Variants in DSCAML1 observed in about 807,000 individuals in gnomAD.
DSCAML1 encodes cell adhesion molecule DSCAML1.
Under a neutral mutation model 200.5 loss-of-function variants are expected in DSCAML1, and 38 were observed. That is an observed-to-expected ratio of 0.19 (90% confidence interval 0.15 to 0.25). The LOEUF is 0.25. DSCAML1 is among the 10% of genes least tolerant of loss of function. DSCAML1 has a pLI of 1.00. For missense variants in DSCAML1, 2,223 were observed against 2,858.8 expected (o/e 0.78, Z 5.07); for synonymous variants, 1,215 against 1,165.0 (o/e 1.04, Z -0.87).
intron 3 of DSCAML1, among the ~76,000 whole-genome samples, chr11:117,765,153 G>C (rs2054872482): frequency 6.6e-6 from 1 of 152,216 alleles, no homozygotes; most frequent in African/African-American, 2.4e-5. Context: ...CAACCTTAGA[G>C]GCCTTTGTCC....
chr11:117,749,420 G>A (rs2054568535), intron 3 of DSCAML1, among the ~76,000 whole-genome samples: 1 of 152,216 alleles, frequency 6.6e-6, no homozygotes. Context: ...CAGAAGGCAG[G>A]GCCAGGGCTA....
At chr11:117,786,009 C>A (rs962337885) in intron 1 of DSCAML1, among the ~76,000 whole-genome samples, 4 of 152,152 alleles carry the variant, frequency 2.6e-5, no homozygotes, top group Non-Finnish European at 4.4e-5. Context: ...TCCCCTCATG[C>A]CTTCTCTCCA....
intron 3 of DSCAML1, among the ~76,000 whole-genome samples, chr11:117,609,873 G>A (rs2051651220): frequency 6.6e-6 from 1 of 152,160 alleles, no homozygotes. Context: ...CAGTCTGGAA[G>A]ACTGGCTTTG....
intron 1 of DSCAML1, among the ~76,000 whole-genome samples, chr11:117,812,418 C>T (rs1303952577): frequency 6.6e-6 from 1 of 152,156 alleles, no homozygotes; most frequent in Non-Finnish European, 1.5e-5. Flanking sequence ...TATGCCTTAT[C>T]AACCAAATTG....
At position 117,516,412 on chromosome 11, in the gene DSCAML1, C is replaced by T. The variant is rs1262544955; in HGVS notation, c.1783+55G>A. ...TCTGAGTCCCAGCTGGGGAAAGGCC[C>T]ACGCATCCTGGGTGGTCAGGCGGGC... On this transcript the variant is annotated intron_variant, in intron 8 of 32. Coordinates refer to ENST00000651296, the MANE Select transcript of DSCAML1 (RefSeq NM_020693.4). This position sits in a 1 kb window ranked among gnomAD's most constrained non-coding sequence, Gnocchi z 5.7. 1 of 1,572,632 alleles carries T rather than the reference C, an allele frequency of 6.4e-7. No individual in the cohort carries two copies. The highest frequency in any genetic ancestry group is 8.6e-7 in the Non-Finnish European group (1 of 1,157,776).
intron 3 of DSCAML1, among the ~76,000 whole-genome samples, chr11:117,666,423 C>G (rs957274221): frequency 6.6e-6 from 1 of 152,166 alleles, no homozygotes; most frequent in African/African-American, 2.4e-5. Flanking sequence ...TAACAGAGTA[C>G]CCCTAGGACT....
At chr11:117,727,051 T>C (rs1398002859) in intron 3 of DSCAML1, among the ~76,000 whole-genome samples, 2 of 152,166 alleles carry the variant, frequency 1.3e-5, no homozygotes, top group Non-Finnish European at 2.9e-5. Flanking sequence ...TATCCACACC[T>C]TGTACATTCA....
At chr11:117,628,165 C>G (rs753367258) in intron 3 of DSCAML1, among the ~76,000 whole-genome samples, 1 of 152,184 alleles carries the variant, frequency 6.6e-6, no homozygotes, top group African/African-American at 2.4e-5. Flanking sequence ...ACTGCTGGGT[C>G]GATGTGAAGA....
chr11:117,694,057 T>TTATATATATATATATATATATA lies in DSCAML1; in HGVS notation c.511+82712_511+82733dup, dbSNP rs35313833. ...CCTCTGTCATTTTTAGGTTCTATCT[T>TTATATATATATATATATATATA]TATATATATATATATATATATACAC... On this transcript the variant is annotated intron_variant, in intron 3 of 32. Coordinates refer to ENST00000651296, the MANE Select transcript of DSCAML1 (RefSeq NM_020693.4). Among the ~76,000 whole-genome samples, 351 of 116,430 alleles carry TTATATATATATATATATATATA rather than the reference T, an allele frequency of 3.0e-3. 3 individuals carry two copies. Among genetic ancestry groups the TTATATATATATATATATATATA allele is most frequent in the South Asian group, 5.8e-3 (18 of 3,086 alleles). 76.4% of individuals were successfully genotyped at this position (116,430 alleles called of 152,430 possible).
chr11:117,632,607 C>T (rs773867128), intron 3 of DSCAML1, among the ~76,000 whole-genome samples: 3 of 152,162 alleles, frequency 2.0e-5, no homozygotes, highest in East Asian at 1.9e-4. Flanking sequence ...AAGTAGGAGC[C>T]GTAGTAGACT....
At chr11:117,649,952 T>C (rs529051057) in intron 3 of DSCAML1, among the ~76,000 whole-genome samples, 2 of 152,178 alleles carry the variant, frequency 1.3e-5, no homozygotes, top group African/African-American at 2.4e-5. Flanking sequence ...CCCTTCCTCA[T>C]TGGAACCCCT....
intron 3 of DSCAML1, among the ~76,000 whole-genome samples, chr11:117,539,606 C>CAAAA (rs35130897): frequency 1.6e-3 from 84 of 52,564 alleles, no homozygotes; most frequent in Middle Eastern, 0.031. Context: ...AAAACTCTGT[C>CAAAA]AAAAAAAAAA....
chr11:117,572,774 C>T (rs1314199423), intron 3 of DSCAML1, among the ~76,000 whole-genome samples: 1 of 152,188 alleles, frequency 6.6e-6, no homozygotes, highest in Non-Finnish European at 1.5e-5. Flanking sequence ...TCAGGTTCTC[C>T]TCTGCCCGTT....
At chr11:117,537,501 T>C (rs1374745666) in intron 3 of DSCAML1, among the ~76,000 whole-genome samples, 1 of 152,166 alleles carries the variant, frequency 6.6e-6, no homozygotes, top group Non-Finnish European at 1.5e-5. Context: ...GAGGCCAGGT[T>C]GGAGTCCAGG....
intron 3 of DSCAML1, among the ~76,000 whole-genome samples, chr11:117,691,365 G>C (rs906021824): frequency 6.6e-6 from 1 of 152,100 alleles, no homozygotes; most frequent in Non-Finnish European, 1.5e-5. Flanking sequence ...CTCTGCCAAC[G>C]GCCTCCCCAC....
chr11:117,610,849 C>CA (rs1332909497), intron 3 of DSCAML1, among the ~76,000 whole-genome samples: 7 of 148,496 alleles, frequency 4.7e-5, no homozygotes, highest in East Asian at 2.0e-4. Context: ...AACCCCCCCC[C>CA]CCCACAATGT....
rs11605360 is a variant in DSCAML1, at chr11:117,429,254, C to T, written c.5687-451G>A. ...GGAGGAAAGGAATATCATTCCCTGT[C>T]GCCTCCCCACCATGGAGCCTGGTTC... is the stretch of plus-strand genomic sequence containing the variant. On this transcript the variant is annotated intron_variant, in intron 32 of 32. Coordinates refer to ENST00000651296, the MANE Select transcript of DSCAML1 (RefSeq NM_020693.4). 9.2e-3 allele frequency among the ~76,000 whole-genome samples: 1,403 copies of T among 152,204 alleles called. 20 individuals are homozygous for T. Among genetic ancestry groups the T allele is most frequent in the African/African-American group, 0.032 (1,334 of 41,526 alleles).
intron 21 of DSCAML1, among the ~76,000 whole-genome samples, chr11:117,442,645 C>G (rs1013552437): frequency 4.6e-5 from 7 of 152,122 alleles, no homozygotes; most frequent in Non-Finnish European, 7.4e-5. Context: ...TTATTTAATG[C>G]CCCCAGGAGA....
intron 3 of DSCAML1, among the ~76,000 whole-genome samples, chr11:117,745,034 C>T (rs946486279): frequency 2.6e-5 from 4 of 152,176 alleles, no homozygotes; most frequent in East Asian, 1.9e-4. Flanking sequence ...ACCTCCTGAG[C>T]GAACCGCACA....
Sources: allele counts gnomAD v4.1 joint callset (sites outside exome capture counted in the v4.1 genomes callset), GRCh38; gene constraint gnomAD v4.1.1; non-coding constraint Gnocchi (gnomAD v3.1); transcripts MANE v1.5; gene names NCBI Gene and HGNC (gene_info 2026-07-23, HGNC 2026-07-21).